Variants in YTHDF3 observed in about 807,000 individuals in gnomAD.
The protein encoded by YTHDF3 is YTH N6-methyladenosine RNA binding protein F3, also known as YTH domain-containing family protein 3.
YTHDF3 carries 9 observed loss-of-function variants against 52.5 expected under a neutral mutation model. That is an observed-to-expected ratio of 0.17 (90% confidence interval 0.10 to 0.30). YTHDF3 has a LOEUF of 0.30. YTHDF3 is among the 10% of genes least tolerant of loss of function. The probability of loss-of-function intolerance (pLI) is 1.00; values close to 1 mark genes in which losing one functional copy is unlikely to be tolerated. For missense variants in YTHDF3, 534 were observed against 715.0 expected (o/e 0.75, Z 2.89); for synonymous variants, 274 against 243.3 (o/e 1.13, Z -1.18).
At chr8:63,172,940 A>T (rs576585981) in intron 2 of YTHDF3, 17 of 704,722 alleles carry the variant, frequency 2.4e-5, no homozygotes, top group Non-Finnish European at 3.3e-5. Context: ...AGTCTTTAAG[A>T]TAGTTTTCTT....
chr8:63,199,548 G>T (rs563478086), intron 4 of YTHDF3, among the ~76,000 whole-genome samples: 1 of 152,232 alleles, frequency 6.6e-6, no homozygotes, highest in South Asian at 2.1e-4. Context: ...ACCTTAGGTG[G>T]ATATGAAATA....
At chr8:63,170,470 T>G (rs1480415114) in intron 2 of YTHDF3, among the ~76,000 whole-genome samples, 1 of 152,198 alleles carries the variant, frequency 6.6e-6, no homozygotes, top group Non-Finnish European at 1.5e-5. Flanking sequence ...ACATTTTGTT[T>G]GTTTTCATTA....
chr8:63,190,455 G>A (rs1178414282), intron 4 of YTHDF3, among the ~76,000 whole-genome samples: 1 of 152,116 alleles, frequency 6.6e-6, no homozygotes, highest in East Asian at 1.9e-4. Context: ...ATACACAACA[G>A]TGATTTAAAC....
chr8:63,207,506 G>C (rs1023965389), intron 4 of YTHDF3, among the ~76,000 whole-genome samples: 5 of 151,500 alleles, frequency 3.3e-5, no homozygotes, highest in African/African-American at 1.2e-4. Flanking sequence ...TTCTTTTTCT[G>C]TCCTTTTGGG....
At chr8:63,206,287 C>G (rs1810027283) in intron 4 of YTHDF3, among the ~76,000 whole-genome samples, 1 of 151,660 alleles carries the variant, frequency 6.6e-6, no homozygotes, top group Admixed American at 6.6e-5. Flanking sequence ...GGTCTTGAAC[C>G]CCCGACCTCA....
chr8:63,185,590 C>T (rs937658087), intron 3 of YTHDF3, among the ~76,000 whole-genome samples: 14 of 152,172 alleles, frequency 9.2e-5, no homozygotes, highest in Admixed American at 9.2e-4. Context: ...ATGCTATAAA[C>T]GTAATCTTGA....
In YTHDF3 at chr8:63,204,923, T is replaced by C. The variant is rs541216631; in HGVS notation, c.1735-4760T>C. ...AAATAAGTCATTTATCTGTCTTGTCTTGTTAAGGGCATGCGGTAGGCTCCT... is the reference window on the plus strand; with the variant it reads ...AAATAAGTCATTTATCTGTCTTGTCCTGTTAAGGGCATGCGGTAGGCTCCT... On this transcript the variant is annotated intron_variant, in intron 4 of 4. Coordinates refer to ENST00000539294, the MANE Select transcript of YTHDF3 (RefSeq NM_152758.6). Among the ~76,000 whole-genome samples the C allele has an allele frequency of 3.3e-5, 5 of 152,320 alleles. No homozygotes were observed. The East Asian group carries it at 9.7e-4, about 29-fold the overall frequency.
intron 1 of YTHDF3, chr8:63,169,164 G>A: frequency 3.5e-6 from 5 of 1,411,190 alleles, no homozygotes; most frequent in Non-Finnish European, 4.7e-6. Context: ...GGCAGACATG[G>A]GGCGGAGACC....
intron 2 of YTHDF3, chr8:63,172,762 C>T (rs1807414931): frequency 8.9e-6 from 11 of 1,231,370 alleles, no homozygotes; most frequent in South Asian, 4.1e-5. Context: ...TGATTTGACT[C>T]TGTTTCATAG....
intron 2 of YTHDF3, among the ~76,000 whole-genome samples, chr8:63,170,565 A>C (rs763619323): frequency 2.2e-4 from 33 of 152,246 alleles, no homozygotes; most frequent in Middle Eastern, 6.8e-3. Context: ...TGTAAGCATA[A>C]ACCTGAAATA....
At position 63,212,280 on chromosome 8, in the gene YTHDF3, T is replaced by A. The variant is rs1158854880; in HGVS notation, c.*2574T>A. 1 of 152,668 alleles carries A rather than the reference T, an allele frequency of 6.6e-6. No homozygotes were observed. The highest frequency in any genetic ancestry group is 1.5e-5 in the Non-Finnish European group (1 of 68,026). 9.5% of individuals were successfully genotyped at this position (152,668 alleles called of 1,614,324 possible). On this transcript the variant is annotated 3_prime_UTR_variant, in exon 5 of 5. Transcript: ENST00000539294. ...CAAAATTAGTATTTCTCTATACGTA[T>A]TGGTACTTGAAGATTCCTTTCAAAA...
rs545919041 is a variant in YTHDF3 at position 63,186,722 on chromosome 8, C to T, written c.711C>T (p.Ser237=). The T allele has an allele frequency of 2.5e-6, 4 of 1,613,824 alleles. No individual in the cohort carries two copies. The African/African-American group carries it at 5.3e-5, about 22-fold the overall frequency. ...PVSSAAPKPT[S]WAAIARKPAK... is the part of the protein sequence containing the mutation. ...GCAGTGCAGCACCTAAACCAACCTC[C>T]TGGGCTGCCATTGCCAGAAAGCCTG... is the stretch of plus-strand genomic sequence containing the variant. Residue 237 remains serine, a synonymous_variant, in exon 4 of 5, where the codon TCC becomes TCT. Coordinates refer to ENST00000539294, the MANE Select transcript of YTHDF3 (RefSeq NM_152758.6).
intron 3 of YTHDF3, among the ~76,000 whole-genome samples, chr8:63,181,125 A>G (rs1808105761): frequency 6.6e-6 from 1 of 152,244 alleles, no homozygotes; most frequent in South Asian, 2.1e-4. Flanking sequence ...TAATTTGGAA[A>G]AACTGAAGTT....
intron 4 of YTHDF3, among the ~76,000 whole-genome samples, chr8:63,199,797 TCTG>T (rs1282630703): frequency 6.6e-6 from 1 of 152,102 alleles, no homozygotes; most frequent in African/African-American, 2.4e-5. Flanking sequence ...TTTATAAAAA[TCTG>T]CTGGGTATTT....
chr8:63,181,383 A>T (rs1808126292), intron 3 of YTHDF3, among the ~76,000 whole-genome samples: 3 of 152,214 alleles, frequency 2.0e-5, no homozygotes, highest in African/African-American at 7.2e-5. Flanking sequence ...TCAACAGTGG[A>T]TGCATTTATT....
chr8:63,169,246 G>T, intron 1 of YTHDF3, 141 bp from the exon 2 acceptor site: 1 of 1,307,324 alleles, frequency 7.6e-7, no homozygotes, highest in East Asian at 2.5e-5. Context: ...TGGGAAATTG[G>T]TGGCTGTGGA....
intron 3 of YTHDF3, among the ~76,000 whole-genome samples, chr8:63,180,965 A>G (rs1808093617): frequency 6.6e-6 from 1 of 152,226 alleles, no homozygotes; most frequent in Admixed American, 6.5e-5. Flanking sequence ...GAGACCGTGG[A>G]AAGAGGGAGA....
intron 4 of YTHDF3, among the ~76,000 whole-genome samples, chr8:63,197,566 C>T (rs1809320858): frequency 6.6e-6 from 1 of 152,058 alleles, no homozygotes; most frequent in African/African-American, 2.4e-5. Flanking sequence ...AAATCATAAG[C>T]ACAGCCACTG....
chr8:63,206,070 A>G (rs1048211812), intron 4 of YTHDF3, among the ~76,000 whole-genome samples: 1 of 151,848 alleles, frequency 6.6e-6, no homozygotes, highest in African/African-American at 2.4e-5. Flanking sequence ...AATTTAGTGT[A>G]CCTGTTTTGT....
Sources: allele counts gnomAD v4.1 joint callset (sites outside exome capture counted in the v4.1 genomes callset), GRCh38; gene constraint gnomAD v4.1.1; transcripts MANE v1.5; gene names NCBI Gene and HGNC (gene_info 2026-07-23, HGNC 2026-07-21).